Variants in PKHD1 observed in about 807,000 individuals in gnomAD.
PKHD1 encodes PKHD1 ciliary IPT domain containing fibrocystin/polyductin.
A neutral mutation model predicts 412.0 loss-of-function variants in PKHD1; 291 were observed. That is an observed-to-expected ratio of 0.71 (90% CI 0.64 to 0.78). The LOEUF is 0.78. PKHD1 is among the 30% of genes least tolerant of loss of function. PKHD1 has a pLI of 0.00. For synonymous variants in PKHD1, 1,777 were observed against 1,821.5 expected (o/e 0.98, Z 0.62); for missense variants, 4,825 against 4,950.7 (o/e 0.97, Z 0.76).
At chr6:52,074,505 C>T (rs1476320434) in intron 6 of PKHD1, among the ~76,000 whole-genome samples, 1 of 152,138 alleles carries the variant, frequency 6.6e-6, no homozygotes. Context: ...GCTAAATGAT[C>T]GATTCCCTAG....
chr6:51,659,259 G>C lies in PKHD1; in HGVS notation c.10867C>G (p.Pro3623Ala), dbSNP rs745899740. 1 of 1,613,784 alleles carries C rather than the reference G, an allele frequency of 6.2e-7. No individual in the cohort carries two copies. The highest frequency in any genetic ancestry group is 1.7e-5 in the Admixed American group (1 of 59,908). ...TAATGACTAGTGCAAGTCACAGTAG[G>C]GCAATTGCGCTTTCTTTTTGCTCTA... Reference protein sequence around the residue: ...DSRAKRKRNCPTVTCTSHYRR... With the variant: ...DSRAKRKRNCATVTCTSHYRR... The change falls in exon 61 of 67, where the codon CCT becomes GCT. Residue 3623 changes from proline to alanine, a missense_variant. Coordinates refer to ENST00000371117, the MANE Select transcript of PKHD1 (RefSeq NM_138694.4).
rs115353478 is a variant in PKHD1 at position 52,048,455 on chromosome 6, T to A, written c.2407+37A>T. 6.9e-4 allele frequency: 1,110 copies of A among 1,606,112 alleles called. 15 individuals carry two copies. The African/African-American group carries it at 0.013, about 19-fold the overall frequency. On this transcript the variant is annotated intron_variant, in intron 23 of 66. Coordinates refer to ENST00000371117, the MANE Select transcript of PKHD1 (RefSeq NM_138694.4). ...CCTTGGGAATGTGAGTGAGAATATG[T>A]GAGTGAGAATTGTTGCAACCCCAAT...
chr6:51,800,426 A>G (rs1198549460), intron 52 of PKHD1, among the ~76,000 whole-genome samples: 1 of 152,252 alleles, frequency 6.6e-6, no homozygotes, highest in Non-Finnish European at 1.5e-5. Flanking sequence ...TTAGAAATGC[A>G]TTAACTAGCC....
At chr6:51,763,987 A>T (rs1394366701) in intron 55 of PKHD1, among the ~76,000 whole-genome samples, 1 of 150,652 alleles carries the variant, frequency 6.6e-6, no homozygotes, top group African/African-American at 2.4e-5. Context: ...TTTAGGGTAC[A>T]TGTGCACATT....
intron 43 of PKHD1, among the ~76,000 whole-genome samples, chr6:51,892,355 G>A (rs1302997264): frequency 1.3e-5 from 2 of 152,226 alleles, no homozygotes; most frequent in African/African-American, 2.4e-5. Context: ...AGTCTAGAGT[G>A]GTGGTTGTCA....
At chr6:51,711,732 G>A (rs909001803) in intron 60 of PKHD1, among the ~76,000 whole-genome samples, 2 of 152,180 alleles carry the variant, frequency 1.3e-5, no homozygotes, top group African/African-American at 2.4e-5. Context: ...CATAACATTT[G>A]AGGTTCTGGT....
At chr6:51,724,563 T>G (rs1782329246) in intron 60 of PKHD1, among the ~76,000 whole-genome samples, 1 of 152,216 alleles carries the variant, frequency 6.6e-6, no homozygotes. Flanking sequence ...TGCACTCTAC[T>G]ATTACTATCT....
intron 51 of PKHD1, among the ~76,000 whole-genome samples, chr6:51,834,245 T>A (rs1427645933): frequency 6.6e-6 from 1 of 152,076 alleles, no homozygotes; most frequent in Non-Finnish European, 1.5e-5. Flanking sequence ...TGTTCGCTGA[T>A]GGGGGAAAGT....
intron 54 of PKHD1, among the ~76,000 whole-genome samples, chr6:51,773,522 A>G (rs538982305): frequency 3.4e-4 from 52 of 151,626 alleles, no homozygotes; most frequent in African/African-American, 1.2e-3. Context: ...TATTTATTTT[A>G]TTTAGATAAC....
At chr6:51,888,454 G>T (rs1002039489) in intron 43 of PKHD1, among the ~76,000 whole-genome samples, 2 of 151,302 alleles carry the variant, frequency 1.3e-5, no homozygotes, top group African/African-American at 2.5e-5. Context: ...ACTGTACACA[G>T]ATGTATTTTT....
Position 51,855,960 on chromosome 6 carries a change from G to T in PKHD1, c.7844C>A (p.Ala2615Asp). 1 of 1,613,516 alleles carries T rather than the reference G, an allele frequency of 6.2e-7. No homozygotes were observed. Among genetic ancestry groups the T allele is most frequent in the South Asian group, 1.1e-5 (1 of 91,058 alleles). Residue 2615 changes from alanine to aspartate, a missense_variant, in exon 49 of 67, where the codon GCT becomes GAT. By Grantham distance (126) the Ala-to-Asp change is moderately radical. Coordinates refer to ENST00000371117, the MANE Select transcript of PKHD1 (RefSeq NM_138694.4). ...DTLSNPRGWM[A>D]LLLDQETYSL... ...GTAGGTCTCTTGGTCCAAGAGCAGAGCCATCCAGCCACGAGGGTTAGACAA... is the reference window on the plus strand; with the variant it reads ...GTAGGTCTCTTGGTCCAAGAGCAGATCCATCCAGCCACGAGGGTTAGACAA...
intron 50 of PKHD1, 36 bp downstream of exon 50, chr6:51,847,739 T>G: frequency 7.1e-7 from 1 of 1,408,480 alleles, no homozygotes. Flanking sequence ...TTTCTGACTA[T>G]GTGCTCTCAA....
chr6:52,013,828 C>T (rs1800106135), intron 34 of PKHD1, among the ~76,000 whole-genome samples: 1 of 152,200 alleles, frequency 6.6e-6, no homozygotes, highest in Non-Finnish European at 1.5e-5. Context: ...CTTGGCTGTG[C>T]TCCTTAGGAT....
intron 63 of PKHD1, 111 bp from the exon 64 acceptor site, chr6:51,639,067 C>T: frequency 1.2e-6 from 1 of 830,780 alleles, no homozygotes; most frequent in South Asian, 1.4e-5. Context: ...ATTTTTTAAA[C>T]TCAAAGAGGT....
chr6:51,817,524 A>G (rs540851751), intron 52 of PKHD1, among the ~76,000 whole-genome samples: 1 of 152,266 alleles, frequency 6.6e-6, no homozygotes, highest in South Asian at 2.1e-4. Context: ...GTTTTGATTC[A>G]GGACTACAGC....
At chr6:52,045,964 G>C (rs756113472) in intron 24 of PKHD1, 40 bp downstream of exon 24, 1 of 1,379,562 alleles carries the variant, frequency 7.2e-7, no homozygotes, top group Non-Finnish European at 1.0e-6. Flanking sequence ...ATTTCTCCAG[G>C]GCAGCAAATC....
chr6:51,852,732 GT>G (rs61529648), intron 49 of PKHD1, among the ~76,000 whole-genome samples: 43,933 of 144,316 alleles, frequency 0.3, 6,612 homozygotes, highest in Middle Eastern at 0.46. Flanking sequence ...TGCAAACCCT[GT>G]TTTTTTTTTT....
intron 63 of PKHD1, among the ~76,000 whole-genome samples, chr6:51,644,742 C>T (rs1393406993): frequency 6.6e-6 from 1 of 152,152 alleles, no homozygotes; most frequent in African/African-American, 2.4e-5. Context: ...ATGCAGTGGG[C>T]GATCTTGGCT....
chr6:51,972,967 G>A (rs754758192), intron 35 of PKHD1, among the ~76,000 whole-genome samples: 16 of 152,156 alleles, frequency 1.1e-4, no homozygotes, highest in Admixed American at 3.3e-4. Context: ...GATCAAAACC[G>A]CATGCCACTT....
Sources: gnomAD v4.1 joint callset for allele counts (sites outside exome capture counted in the v4.1 genomes callset) on GRCh38, gnomAD v4.1.1 for gene constraint, MANE v1.5 for transcripts, NCBI Gene and HGNC (gene_info 2026-07-23, HGNC 2026-07-21) for gene names.